ZNF385D: variants seen among roughly 807,000 people sequenced by gnomAD.
ZNF385D encodes zinc finger protein 385D.
Under a neutral mutation model 35.8 loss-of-function variants are expected in ZNF385D, and 15 were observed. That is an observed-to-expected ratio of 0.42 (90% CI 0.28 to 0.64). The LOEUF is 0.64. ZNF385D is among the 30% of genes least tolerant of loss of function. The probability of loss-of-function intolerance (pLI) is 0.23; values close to 1 mark genes in which losing one functional copy is unlikely to be tolerated. For missense variants in ZNF385D, 474 were observed against 494.6 expected, an observed-to-expected ratio of 0.96 and a Z score of 0.39; for synonymous variants, 212 against 186.8, an observed-to-expected ratio of 1.13 and a Z score of -1.10.
intron 2 of ZNF385D, among the ~76,000 whole-genome samples, chr3:22,175,971 G>C (rs949205669): frequency 6.7e-6 from 1 of 149,966 alleles, no homozygotes; most frequent in Non-Finnish European, 1.5e-5. Context: ...AATTATAGTG[G>C]GTCACAATAT....
chr3:21,741,652 G>T (rs546501929), intron 1 of ZNF385D, among the ~76,000 whole-genome samples: 18 of 151,784 alleles, frequency 1.2e-4, no homozygotes, highest in African/African-American at 4.1e-4. Flanking sequence ...TTAAATAGTA[G>T]GTCCATTCAG....
intron 1 of ZNF385D, among the ~76,000 whole-genome samples, chr3:21,701,287 T>G (rs7623230): frequency 0.19 from 20,437 of 109,884 alleles, 1,619 homozygotes; most frequent in South Asian, 0.29. Context: ...TTCTTACATG[T>G]TGGTGGCAAG....
chr3:21,557,583 T>G (rs775875588), intron 3 of ZNF385D, among the ~76,000 whole-genome samples: 1 of 152,150 alleles, frequency 6.6e-6, no homozygotes, highest in Non-Finnish European at 1.5e-5. Flanking sequence ...TTATTGAGGA[T>G]TTTTGCATTG....
intron 4 of ZNF385D, among the ~76,000 whole-genome samples, chr3:21,488,229 T>C (rs781065746): frequency 6.6e-6 from 1 of 152,006 alleles, no homozygotes; most frequent in Non-Finnish European, 1.5e-5. Context: ...CAATTGTTGA[T>C]AAGATTTCTT....
At chr3:22,264,608 A>T (rs1455608025) in intron 2 of ZNF385D, among the ~76,000 whole-genome samples, 1 of 151,954 alleles carries the variant, frequency 6.6e-6, no homozygotes, top group African/African-American at 2.4e-5. Context: ...ATGTATAACC[A>T]TATGCGGTGA....
intron 2 of ZNF385D, among the ~76,000 whole-genome samples, chr3:21,659,853 C>T (rs1453666649): frequency 1.3e-5 from 2 of 152,118 alleles, no homozygotes; most frequent in Admixed American, 1.3e-4. Context: ...TCCCCTCCCT[C>T]TGCCTACATA....
At chr3:21,896,765 T>A (rs1055353531) in intron 3 of ZNF385D, among the ~76,000 whole-genome samples, 1 of 152,092 alleles carries the variant, frequency 6.6e-6, no homozygotes, top group Non-Finnish European at 1.5e-5. Flanking sequence ...TCAGAAAATG[T>A]TCTTGACATT....
chr3:22,298,711 A>C (rs1328557679), intron 2 of ZNF385D, among the ~76,000 whole-genome samples: 1 of 146,746 alleles, frequency 6.8e-6, no homozygotes, highest in Admixed American at 6.8e-5. Flanking sequence ...ACAAAAACCA[A>C]AAAAAAAAAA....
intron 4 of ZNF385D, among the ~76,000 whole-genome samples, chr3:21,452,857 C>T (rs892356105): frequency 1.3e-5 from 2 of 151,358 alleles, no homozygotes; most frequent in Non-Finnish European, 3.0e-5. Flanking sequence ...ACTAAGCTGA[C>T]CTAAAATGTA....
intron 3 of ZNF385D, among the ~76,000 whole-genome samples, chr3:21,547,135 T>C (rs906042494): frequency 9.9e-5 from 15 of 152,132 alleles, no homozygotes; most frequent in African/African-American, 3.4e-4. Flanking sequence ...TTCACTGATA[T>C]GTAATTGTGT....
chr3:21,879,925 C>T (rs1698188052), intron 3 of ZNF385D, among the ~76,000 whole-genome samples: 1 of 151,960 alleles, frequency 6.6e-6, no homozygotes, highest in African/African-American at 2.4e-5. Flanking sequence ...ACAAACTCTT[C>T]TTTCATGTAA....
chr3:21,993,442 A>C (rs1338723013), intron 3 of ZNF385D, among the ~76,000 whole-genome samples: 1 of 152,202 alleles, frequency 6.6e-6, no homozygotes, highest in African/African-American at 2.4e-5. Context: ...GAAAATGAAT[A>C]ATCTTATGAT....
At position 22,248,281 on chromosome 3, in the gene ZNF385D, G is replaced by A. The variant is rs575909943; in HGVS notation, c.107-79246C>T. ...TGTCTGTACAAGACCACACACAGTTGTATGGGAGGAAACCTTAAATTTTAT... is the reference window on the plus strand; with the variant it reads ...TGTCTGTACAAGACCACACACAGTTATATGGGAGGAAACCTTAAATTTTAT... On this transcript the variant is annotated intron_variant, in intron 2 of 5. Coordinates refer to the ZNF385D transcript ENST00000494108. 3.9e-5 allele frequency among the ~76,000 whole-genome samples: 6 copies of A among 152,286 alleles called. No individual in the cohort carries two copies. The East Asian group carries it at 1.2e-3, about 29-fold the overall frequency.
intron 3 of ZNF385D, among the ~76,000 whole-genome samples, chr3:21,964,639 G>T (rs1201203894): frequency 6.6e-6 from 1 of 151,680 alleles, no homozygotes; most frequent in African/African-American, 2.4e-5. Context: ...ACAGGTGCCT[G>T]CCACCATGCC....
chr3:21,905,863 ATT>A (rs1053875203), intron 3 of ZNF385D, among the ~76,000 whole-genome samples: 1 of 152,146 alleles, frequency 6.6e-6, no homozygotes, highest in African/African-American at 2.4e-5. Flanking sequence ...GGAAAATCGT[ATT>A]TTAACAAGAT....
intron 3 of ZNF385D, among the ~76,000 whole-genome samples, chr3:21,830,660 CTTTA>C: frequency 6.6e-6 from 1 of 152,102 alleles, no homozygotes; most frequent in Non-Finnish European, 1.5e-5. Flanking sequence ...CTCACAGTAT[CTTTA>C]TTAGTAGAGT....
At chr3:22,019,833 TGATA>T (rs1393187749) in intron 3 of ZNF385D, among the ~76,000 whole-genome samples, 1 of 151,420 alleles carries the variant, frequency 6.6e-6, no homozygotes, top group Non-Finnish European at 1.5e-5. Flanking sequence ...CTTGAGAGAG[TGATA>T]GAGCATTAAA....
At chr3:22,174,025 A>AACAC (rs10569895) in intron 2 of ZNF385D, among the ~76,000 whole-genome samples, 21,419 of 149,860 alleles carry the variant, frequency 0.14, 1,622 homozygotes, top group East Asian at 0.23. Flanking sequence ...TTTACACACA[A>AACAC]ACACACACAC....
intron 3 of ZNF385D, among the ~76,000 whole-genome samples, chr3:21,884,864 C>T (rs1440631275): frequency 6.6e-6 from 1 of 152,004 alleles, no homozygotes. Flanking sequence ...TTGATTTATA[C>T]ACGAGGATCA....
Sources: gnomAD v4.1 joint callset for allele counts (sites outside exome capture counted in the v4.1 genomes callset) on GRCh38, gnomAD v4.1.1 for gene constraint, MANE v1.5 for transcripts, NCBI Gene and HGNC (gene_info 2026-07-23, HGNC 2026-07-21) for gene names.